NCOR2: variants seen among roughly 807,000 people sequenced by gnomAD.
NCOR2 encodes CTG repeat protein 26.
In NCOR2, 81 loss-of-function variants were observed where a neutral mutation model predicts 262.9. The observed-to-expected ratio is 0.31, with a 90% CI of 0.26 to 0.37. NCOR2 has a LOEUF of 0.37. Among genes scored for constraint, NCOR2 ranks in the 10% least tolerant of loss-of-function variants. NCOR2 has a pLI of 1.00. For synonymous variants in NCOR2, 1,659 were observed against 1,559.3 expected (o/e 1.06, Z -1.51); for missense variants, 3,385 against 3,621.4 (o/e 0.93, Z 1.68).
At chr12:124,368,186 G>A (rs2136000925) in intron 20 of NCOR2, among the ~76,000 whole-genome samples, 1 of 152,376 alleles carries the variant, frequency 6.6e-6, no homozygotes, top group East Asian at 1.9e-4. Flanking sequence ...TGGGCGTGGG[G>A]ATGCTGGTGA....
At chr12:124,565,580 G>T (rs1456105557) in intron 1 of NCOR2, among the ~76,000 whole-genome samples, 1 of 151,196 alleles carries the variant, frequency 6.6e-6, no homozygotes, top group Non-Finnish European at 1.5e-5. Flanking sequence ...AGGTAAGGTG[G>T]CCCCTTTTCA....
At position 124,354,225 on chromosome 12, in the gene NCOR2, G is replaced by A. The variant is rs567229302; in HGVS notation, c.3590-29C>T. 2.2e-4 allele frequency: 347 copies of A among 1,559,432 alleles called. 3 individuals are homozygous for A. In the Middle Eastern group the frequency reaches 2.5e-3, roughly 11 times the overall value. On this transcript the variant is annotated intron_variant, in intron 26 of 46. Coordinates refer to ENST00000405201, the Ensembl canonical transcript of NCOR2. The stretch of plus-strand genomic sequence containing the variant: ...GAAGACACAAGATGTGGGGCTGAGG[G>A]CGTGTCTGTGGCCCTTCCTTCCCCA...
At chr12:124,381,538 A>G (rs2040409256) in intron 17 of NCOR2, among the ~76,000 whole-genome samples, 1 of 152,218 alleles carries the variant, frequency 6.6e-6, no homozygotes, top group Non-Finnish European at 1.5e-5. Context: ...AGTGTCTAGC[A>G]CAGAACAGAC....
chr12:124,381,757 G>A (rs923173695), intron 17 of NCOR2, among the ~76,000 whole-genome samples: 6 of 152,246 alleles, frequency 3.9e-5, no homozygotes, highest in Non-Finnish European at 7.3e-5. Context: ...AAAACAAGGC[G>A]GGGCTGGGCC....
chr12:124,354,219 C>A (rs1399796406), intron 26 of NCOR2, 23 bp from the exon 29 acceptor site: 1 of 1,568,660 alleles, frequency 6.4e-7, no homozygotes. Context: ...AGATGTGGGG[C>A]TGAGGGCGTG....
chr12:124,350,514 C>T (rs768850851), intron 28 of NCOR2, 73 bp downstream of exon 30: 1 of 1,550,780 alleles, frequency 6.4e-7, no homozygotes, highest in Admixed American at 1.8e-5. Context: ...GCCCTGCCTC[C>T]CTGTGAAGCT....
intron 13 of NCOR2, among the ~76,000 whole-genome samples, chr12:124,413,014 C>A (rs867250963): frequency 1.7e-4 from 26 of 152,216 alleles, no homozygotes; most frequent in African/African-American, 5.8e-4. Flanking sequence ...GCCTCGCTGC[C>A]GGGGAAAGTG....
Position 124,457,169 on chromosome 12 carries a change from G to A in NCOR2, c.706-7C>T, listed in dbSNP as rs772635183. The A allele has an allele frequency of 3.3e-6, 5 of 1,535,708 alleles. No individual in the cohort carries two copies. The highest frequency in any genetic ancestry group is 2.5e-5 in the South Asian group (2 of 79,836). On this transcript the variant is annotated splice_polypyrimidine_tract_variant and splice_region_variant and intron_variant, in intron 5 of 46. Transcript: ENST00000405201. The surrounding 1 kb of genome is among the most constrained non-coding windows in gnomAD (Gnocchi z 4.0). ...GTGCAGCTTCAGCCTTCTTCTGCAG[G>A]GTGATGGCGAAGAGGAGGAATTTTT... is the stretch of plus-strand genomic sequence containing the variant.
chr12:124,472,448 A>G (rs922337731), intron 4 of NCOR2, among the ~76,000 whole-genome samples: 1 of 152,174 alleles, frequency 6.6e-6, no homozygotes, highest in African/African-American at 2.4e-5. Flanking sequence ...AGTAAAGAGC[A>G]GTTAGGAGGC....
intron 11 of NCOR2, among the ~76,000 whole-genome samples, chr12:124,425,893 A>T (rs1429817215): frequency 6.6e-6 from 1 of 152,116 alleles, no homozygotes; most frequent in Non-Finnish European, 1.5e-5. Context: ...GGCCTGGCTG[A>T]GCTGTCATAA....
At chr12:124,448,137 T>G (rs1212168455) in intron 7 of NCOR2, among the ~76,000 whole-genome samples, 1 of 152,178 alleles carries the variant, frequency 6.6e-6, no homozygotes, top group African/African-American at 2.4e-5. Context: ...AGGCTCTCAA[T>G]AAAGATGGGA....
At chr12:124,334,334 C>T in intron 41 of NCOR2, 90 bp downstream of exon 43, 1 of 960,286 alleles carries the variant, frequency 1.0e-6, no homozygotes, top group Non-Finnish European at 1.5e-6. Flanking sequence ...GCCTCATATG[C>T]AGCTGAGCTC....
Position 124,364,112 on chromosome 12 carries a change from C to A in NCOR2, c.2808-313G>T, listed in dbSNP as rs73421906. On this transcript the variant is annotated intron_variant, in intron 20 of 46. Coordinates refer to ENST00000405201, the Ensembl canonical transcript of NCOR2. ...CACCCCAGCCTAGAGGCCAGCCGGGCAGTGCTAGAGGCCCAGGCTGGGATC... is the reference window on the plus strand; with the variant it reads ...CACCCCAGCCTAGAGGCCAGCCGGGAAGTGCTAGAGGCCCAGGCTGGGATC... Among the ~76,000 whole-genome samples, 360 of 152,324 alleles carry A rather than the reference C, an allele frequency of 2.4e-3. 3 individuals carry two copies. Among genetic ancestry groups the A allele is most frequent in the African/African-American group, 8.0e-3 (333 of 41,568 alleles).
intron 8 of NCOR2, among the ~76,000 whole-genome samples, 189 bp from the exon 11 acceptor site, chr12:124,430,976 A>G (rs1190486348): frequency 6.6e-6 from 1 of 151,938 alleles, no homozygotes; most frequent in Non-Finnish European, 1.5e-5. Flanking sequence ...ATACAGTCAG[A>G]TACACACAGG....
chr12:124,356,961 C>G, intron 22 of NCOR2, 179 bp from the exon 25 acceptor site: 1 of 693,090 alleles, frequency 1.4e-6, no homozygotes, highest in Non-Finnish European at 2.1e-6. Flanking sequence ...TCTGTAACCC[C>G]ATGGTATTCT....
At chr12:124,336,424 A>G (rs1593105612) in intron 38 of NCOR2, 1 of 254,282 alleles carries the variant, frequency 3.9e-6, no homozygotes, top group East Asian at 9.9e-5. Flanking sequence ...AAAAAAAACC[A>G]TGGTAAAATG....
rs910575668 is a variant in NCOR2 at position 124,482,210 on chromosome 12, C to T, written c.411+1386G>A. Among the ~76,000 whole-genome samples the T allele has an allele frequency of 1.3e-5, 2 of 152,104 alleles. No individual in the cohort carries two copies. The highest frequency in any genetic ancestry group is 2.9e-5 in the Non-Finnish European group (2 of 67,990). ...GGGGACTGCCCCAGTGGCAGGGAGG[C>T]CAAGCCAGCCAACGACCACACAGAC... On this transcript the variant is annotated intron_variant, in intron 3 of 46. Coordinates refer to ENST00000405201, the Ensembl canonical transcript of NCOR2. This position sits in a 1 kb window ranked among gnomAD's most constrained non-coding sequence, Gnocchi z 6.3.
intron 1 of NCOR2, among the ~76,000 whole-genome samples, chr12:124,558,724 C>T (rs1453695581): frequency 2.6e-5 from 4 of 152,130 alleles, no homozygotes. Flanking sequence ...ACCCTGGGGT[C>T]AGTGCCGTGG....
chr12:124,525,229 C>T (rs780592301), intron 1 of NCOR2, among the ~76,000 whole-genome samples: 76 of 152,270 alleles, frequency 5.0e-4, no homozygotes, highest in Non-Finnish European at 9.6e-4. Context: ...AGGGCCTTCG[C>T]GCCTGCTGTT....
Sources: gnomAD v4.1 joint callset for allele counts (sites outside exome capture counted in the v4.1 genomes callset) on GRCh38, gnomAD v4.1.1 for gene constraint, Gnocchi (gnomAD v3.1) non-coding constraint, MANE v1.5 for transcripts, NCBI Gene and HGNC (gene_info 2026-07-23, HGNC 2026-07-21) for gene names.